The following ATOSA variants were observed in gnomAD, a reference collection of about 807,000 sequenced individuals.
The protein encoded by ATOSA is atos homolog protein A.
the ATOSA span, among the ~76,000 whole-genome samples, chr15:52,653,421 A>T: frequency 1.3e-5 from 2 of 152,198 alleles, no homozygotes; most frequent in Admixed American, 1.3e-4. Context: ...AAGAAATCTC[A>T]TTAAAGAATC....
At chr15:52,632,075 T>C in the ATOSA span, among the ~76,000 whole-genome samples, 1 of 152,190 alleles carries the variant, frequency 6.6e-6, no homozygotes, top group African/African-American at 2.4e-5. Context: ...ATTTCTTAAA[T>C]AAGTTTTCCT....
At chr15:52,605,578 T>C in the ATOSA span, among the ~76,000 whole-genome samples, 1 of 152,200 alleles carries the variant, frequency 6.6e-6, no homozygotes, top group African/African-American at 2.4e-5. Flanking sequence ...TTTTCGAACA[T>C]TTCAAATTTG....
chr15:52,650,148 T>A, the ATOSA span, among the ~76,000 whole-genome samples: 1 of 152,186 alleles, frequency 6.6e-6, no homozygotes, highest in African/African-American at 2.4e-5. Flanking sequence ...AATTGCTAGA[T>A]TGACTTTCAT....
the ATOSA span, among the ~76,000 whole-genome samples, chr15:52,612,782 C>T: frequency 2.0e-5 from 3 of 151,936 alleles, no homozygotes; most frequent in Non-Finnish European, 2.9e-5. Flanking sequence ...GGATTACAGG[C>T]GTGAACCACT....
the ATOSA span, among the ~76,000 whole-genome samples, chr15:52,676,330 G>A: frequency 6.6e-6 from 1 of 152,176 alleles, no homozygotes; most frequent in Non-Finnish European, 1.5e-5. Flanking sequence ...AGGTCATCAT[G>A]ACCCATTAAT....
At chr15:52,613,556 G>T in the ATOSA span, 1 of 1,227,312 alleles carries the variant, frequency 8.1e-7, no homozygotes, top group Non-Finnish European at 1.1e-6. Flanking sequence ...TTCCCTTTAT[G>T]ATTATGATCA....
the ATOSA span, among the ~76,000 whole-genome samples, chr15:52,668,116 T>C: frequency 2.6e-5 from 4 of 152,254 alleles, no homozygotes; most frequent in African/African-American, 4.8e-5. Flanking sequence ...TACTCCCATA[T>C]TTATTGCAGT....
At chr15:52,658,924 G>A in the ATOSA span, 2 of 396,266 alleles carry the variant, frequency 5.0e-6, no homozygotes, top group East Asian at 7.1e-5. Flanking sequence ...ACTGGAGGTT[G>A]CAGTGAGCCA....
At chr15:52,695,787 T>G in the ATOSA span, among the ~76,000 whole-genome samples, 1 of 152,046 alleles carries the variant, frequency 6.6e-6, no homozygotes, top group Non-Finnish European at 1.5e-5. Context: ...AGAAAAGACT[T>G]GAAGAGGTTT....
At chr15:52,593,443 T>C in the ATOSA span, 2 of 775,666 alleles carry the variant, frequency 2.6e-6, no homozygotes. Context: ...AGTTGTGAGG[T>C]AATATTTTGG....
At chr15:52,582,365 G>C in the ATOSA span, 3 of 1,405,530 alleles carry the variant, frequency 2.1e-6, no homozygotes, top group South Asian at 1.4e-5. Context: ...AAAGAAACTA[G>C]AATAATTAAA....
chr15:52,589,668 T>G, the ATOSA span, among the ~76,000 whole-genome samples: 8 of 152,258 alleles, frequency 5.3e-5, no homozygotes, highest in Non-Finnish European at 1.2e-4. Flanking sequence ...GGAAATTATT[T>G]GGAATTTTAT....
the ATOSA span, among the ~76,000 whole-genome samples, chr15:52,602,855 T>C: frequency 6.6e-5 from 10 of 152,244 alleles, no homozygotes; most frequent in African/African-American, 2.4e-4. Context: ...GCAGGGGAAC[T>C]GAACCCTAGT....
At chr15:52,698,748 C>T in the ATOSA span, among the ~76,000 whole-genome samples, 2 of 152,102 alleles carry the variant, frequency 1.3e-5, no homozygotes, top group South Asian at 2.1e-4. Context: ...GAATTGCATG[C>T]GGTACAGAAA....
the ATOSA span, among the ~76,000 whole-genome samples, chr15:52,634,258 T>C: frequency 2.0e-3 from 301 of 152,036 alleles, 1 homozygote; most frequent in African/African-American, 7.0e-3. Flanking sequence ...CATGTTGAAA[T>C]TGTCTCTACT....
the ATOSA span, among the ~76,000 whole-genome samples, chr15:52,633,196 G>A: frequency 6.6e-6 from 1 of 152,178 alleles, no homozygotes; most frequent in African/African-American, 2.4e-5. Flanking sequence ...ATAGGCTGGA[G>A]GGAAAACCTG....
At chr15:52,693,362 G>A in the ATOSA span, among the ~76,000 whole-genome samples, 1 of 152,214 alleles carries the variant, frequency 6.6e-6, no homozygotes, top group Non-Finnish European at 1.5e-5. Context: ...AGAGGTTGCA[G>A]TGAGCCAAGA....
the ATOSA span, among the ~76,000 whole-genome samples, chr15:52,655,690 A>C: frequency 6.6e-6 from 1 of 152,298 alleles, no homozygotes; most frequent in Non-Finnish European, 1.5e-5. Flanking sequence ...TTCTATTCCT[A>C]ATAGTCTTTG....
the ATOSA span, chr15:52,608,803 G>T: frequency 6.2e-7 from 1 of 1,602,760 alleles, no homozygotes; most frequent in South Asian, 1.1e-5. Context: ...GTCTTTATTT[G>T]AGGACATGCT....
Sources: gnomAD v4.1 joint callset for allele counts (sites outside exome capture counted in the v4.1 genomes callset) on GRCh38, gnomAD v4.1.1 for gene constraint, MANE v1.5 for transcripts, NCBI Gene and HGNC (gene_info 2026-07-23, HGNC 2026-07-21) for gene names.